Variants in CIBAR1 observed in about 807,000 individuals in gnomAD.
CIBAR1 encodes CBY1 interacting BAR domain containing 1.
Under a neutral mutation model 44.0 loss-of-function variants are expected in CIBAR1, and 25 were observed. That is an observed-to-expected ratio of 0.57 (90% CI 0.41 to 0.79). The LOEUF is 0.79. Ranked by LOEUF, CIBAR1 falls within the 30% of genes least tolerant of loss-of-function variation. CIBAR1 has a pLI of 0.00. For synonymous variants in CIBAR1, 115 were observed against 119.0 expected, an observed-to-expected ratio of 0.97 and a Z score of 0.22; for missense variants, 278 against 344.8, an observed-to-expected ratio of 0.81 and a Z score of 1.53.
intron 6 of CIBAR1, among the ~76,000 whole-genome samples, chr8:93,714,572 A>G (rs903693768): frequency 6.6e-6 from 1 of 152,114 alleles, no homozygotes; most frequent in Admixed American, 6.6e-5. Flanking sequence ...GGGATCTTTT[A>G]TAATAAAGAG....
Position 93,729,914 on chromosome 8 carries a change from C to T in CIBAR1, c.*1617C>T, listed in dbSNP as rs916130937. ...GGAATACAAATTGAGTATCCTTTAT[C>T]TGAAGTGCTTGGGACCAGAAGTATT... On this transcript the variant is annotated 3_prime_UTR_variant, in exon 9 of 9. Coordinates refer to ENST00000518322, the MANE Select transcript of CIBAR1 (RefSeq NM_145269.5). 2.0e-5 allele frequency: 3 copies of T among 152,174 alleles called. No homozygotes were observed. The highest frequency in any genetic ancestry group is 4.4e-5 in the Non-Finnish European group (3 of 68,014). The allele number at this position is 152,174 out of a possible 1,614,324, so 9.4% of individuals were successfully genotyped here. A position where few individuals can be genotyped will look rare whatever the true frequency, so the allele number is the denominator to read the frequency against.
rs754555572 is a variant in CIBAR1 at position 93,700,762 on chromosome 8, G to A, written c.26+89G>A. On this transcript the variant is annotated intron_variant, in intron 1 of 8. Coordinates refer to ENST00000518322, the MANE Select transcript of CIBAR1 (RefSeq NM_145269.5). ...AAGCCTCTGTCCATGGGGCCTCTGC[G>A]CCGAATTCCGACCCTGAGTGGGAGG... The A allele has an allele frequency of 6.3e-5, 88 of 1,398,632 alleles. 1 individual carries two copies. The Middle Eastern group carries it at 9.5e-4, about 15-fold the overall frequency. The allele number at this position is 1,398,632 out of a possible 1,614,324, so 86.6% of individuals were successfully genotyped here. A position where few individuals can be genotyped will look rare whatever the true frequency, so the allele number is the denominator to read the frequency against.
intron 8 of CIBAR1, among the ~76,000 whole-genome samples, chr8:93,726,971 G>C (rs1466596542): frequency 2.6e-5 from 4 of 152,154 alleles, no homozygotes; most frequent in Admixed American, 2.0e-4. Flanking sequence ...CCAGTATCTA[G>C]AGCAGGGGCT....
At chr8:93,704,888 C>CA (rs770293305) in intron 3 of CIBAR1, 21 bp from the exon 4 acceptor site, 10 of 1,513,558 alleles carry the variant, frequency 6.6e-6, no homozygotes, top group Non-Finnish European at 8.9e-6. Context: ...TTTTTACTAA[C>CA]AAAAAAATGC....
chr8:93,711,861 A>G (rs1442215949), intron 6 of CIBAR1, among the ~76,000 whole-genome samples: 1 of 152,184 alleles, frequency 6.6e-6, no homozygotes, highest in Non-Finnish European at 1.5e-5. Flanking sequence ...ATTACACAGT[A>G]CCAAACCCCA....
chr8:93,712,708 A>C (rs1324162142), intron 6 of CIBAR1, among the ~76,000 whole-genome samples: 1 of 152,058 alleles, frequency 6.6e-6, no homozygotes, highest in Non-Finnish European at 1.5e-5. Context: ...CTTGCTATTC[A>C]TCAGACTTCT....
At chr8:93,714,084 C>T (rs551388271) in intron 6 of CIBAR1, among the ~76,000 whole-genome samples, 125 of 152,192 alleles carry the variant, frequency 8.2e-4, no homozygotes, top group Middle Eastern at 6.8e-3. Flanking sequence ...AGTAATTCTT[C>T]CAGTCCATGA....
intron 7 of CIBAR1, among the ~76,000 whole-genome samples, chr8:93,723,445 C>T (rs1022527131): frequency 5.9e-5 from 9 of 152,132 alleles, no homozygotes; most frequent in African/African-American, 2.2e-4. Flanking sequence ...TTATCCTTGA[C>T]TCCTTCCGTG....
chr8:93,727,380 CATAAATTTACTTTTATAGTCCAT>C, intron 8 of CIBAR1: 1 of 381,642 alleles, frequency 2.6e-6, no homozygotes, highest in South Asian at 2.2e-5. Context: ...ACATAAATTC[CATAAATTTACTTTTATAGTCCAT>C]ATAAAGTTTT....
intron 7 of CIBAR1, among the ~76,000 whole-genome samples, chr8:93,721,494 G>T (rs1374690403): frequency 6.6e-6 from 1 of 152,088 alleles, no homozygotes; most frequent in Non-Finnish European, 1.5e-5. Context: ...AGAGCTCTAT[G>T]TAAAACTAAA....
Position 93,728,396 on chromosome 8 carries a change from G to A in CIBAR1, c.*99G>A. On this transcript the variant is annotated 3_prime_UTR_variant, in exon 9 of 9. Coordinates refer to ENST00000518322, the MANE Select transcript of CIBAR1 (RefSeq NM_145269.5). ...TTGCTATGTTAAGCCTCAAAGTGAAGTCCAACTGGAAACAGAAAAATAATT... is the reference window on the plus strand; with the variant it reads ...TTGCTATGTTAAGCCTCAAAGTGAAATCCAACTGGAAACAGAAAAATAATT... The A allele has an allele frequency of 2.8e-6, 2 of 719,806 alleles. No individual in the cohort carries two copies. The highest frequency in any genetic ancestry group is 4.3e-6 in the Non-Finnish European group (2 of 459,848). 44.6% of individuals were successfully genotyped at this position (719,806 alleles called of 1,614,324 possible).
At chr8:93,721,023 C>T (rs973987576) in intron 7 of CIBAR1, 1 of 152,174 alleles carries the variant, frequency 6.6e-6, no homozygotes, top group African/African-American at 2.4e-5. Flanking sequence ...GTACTTATTT[C>T]TGATTTCTGT....
intron 4 of CIBAR1, chr8:93,707,298 A>C (rs1810631658): frequency 2.8e-6 from 1 of 357,390 alleles, no homozygotes; most frequent in Non-Finnish European, 5.6e-6. Flanking sequence ...TGCTATGCTC[A>C]AGTAAAGGGA....
In CIBAR1 at chr8:93,728,221, TAAGA is replaced by T. The variant is rs764126979; in HGVS notation, c.798_801del (p.Lys267IlefsTer12). ...TTTTAACAGGTATCCACTTGTCGACTAAGAAAGGATCAACAAGCAGAAGATGATG... is the reference window on the plus strand; with the variant it reads ...TTTTAACAGGTATCCACTTGTCGACTAAGGATCAACAAGCAGAAGATGATG... On this transcript the variant is annotated frameshift_variant, in exon 9 of 9. Coordinates refer to ENST00000518322, the MANE Select transcript of CIBAR1 (RefSeq NM_145269.5). LOFTEE classifies it high-confidence loss of function. The T allele has an allele frequency of 4.4e-6, 7 of 1,590,390 alleles. No homozygotes were observed. The Admixed American group carries it at 5.4e-5, about 12-fold the overall frequency.
At chr8:93,709,635 G>GATTTTAT (rs1810740082) in intron 5 of CIBAR1, 136 bp from the exon 6 acceptor site, 1 of 702,434 alleles carries the variant, frequency 1.4e-6, no homozygotes, top group Non-Finnish European at 2.6e-6. Flanking sequence ...ATTATATATG[G>GATTTTAT]TAAAATATAA....
chr8:93,700,829 C>T (rs1269402896), intron 1 of CIBAR1, 156 bp downstream of exon 1: 2 of 1,320,308 alleles, frequency 1.5e-6, no homozygotes, highest in East Asian at 6.1e-5. Flanking sequence ...ATTCCTTGGG[C>T]TGCAGCCACC....
In CIBAR1 at chr8:93,725,502, T is replaced by C. The variant is rs549590377; in HGVS notation, c.658-892T>C. ...TTTTAGTGGGAGGTGAAAAGCTCAA[T>C]TGTAGTTTGTTGATAAATAAATGGA... On this transcript the variant is annotated intron_variant, in intron 7 of 8. Coordinates refer to ENST00000518322, the MANE Select transcript of CIBAR1 (RefSeq NM_145269.5). Among the ~76,000 whole-genome samples the C allele has an allele frequency of 9.9e-5, 15 of 152,084 alleles. No homozygotes were observed. In the South Asian group the frequency reaches 2.5e-3, roughly 25 times the overall value.
chr8:93,724,635 T>C, intron 7 of CIBAR1: 1 of 1,205,658 alleles, frequency 8.3e-7, no homozygotes, highest in Non-Finnish European at 1.1e-6. Flanking sequence ...TATAGTTTGG[T>C]CTTCTAGGTA....
rs368183102 is a variant in CIBAR1 at position 93,718,803 on chromosome 8, A to G, written c.657+15A>G. ...AAGATTTAGAGGTAGGACTATGTCT[A>G]TCTAAGCTCAGTTCTTCTGTTAATG... On this transcript the variant is annotated intron_variant, in intron 7 of 8. Coordinates refer to ENST00000518322, the MANE Select transcript of CIBAR1 (RefSeq NM_145269.5). The G allele has an allele frequency of 7.8e-5, 108 of 1,377,152 alleles. 1 individual carries two copies. Among genetic ancestry groups the G allele is most frequent in the African/African-American group, 4.3e-5 (3 of 69,314 alleles). 85.3% of individuals were successfully genotyped at this position (1,377,152 alleles called of 1,614,324 possible). A position where few individuals can be genotyped will look rare whatever the true frequency, so the allele number is the denominator to read the frequency against.
Sources: gnomAD v4.1 joint callset for allele counts (sites outside exome capture counted in the v4.1 genomes callset) on GRCh38, gnomAD v4.1.1 for gene constraint, MANE v1.5 for transcripts, NCBI Gene and HGNC (gene_info 2026-07-23, HGNC 2026-07-21) for gene names.